The following MYO3B variants were observed in gnomAD, a reference collection of about 807,000 sequenced individuals.
MYO3B encodes the protein myosin-IIIb.
Under a neutral mutation model 174.6 loss-of-function variants are expected in MYO3B, and 156 were observed. The ratio of observed to expected loss-of-function variants is 0.89; its 90% CI spans 0.78 to 1.02. The LOEUF is 1.02. Ranked by LOEUF, MYO3B falls within the 50% of genes least tolerant of loss-of-function variation. The pLI is 0.00. For missense variants in MYO3B, 1,632 were observed against 1,639.4 expected (o/e 1.00, Z 0.08); for synonymous variants, 563 against 569.1 (o/e 0.99, Z 0.15).
chr2:170,317,303 G>GAC (rs34130116), intron 7 of MYO3B, among the ~76,000 whole-genome samples: 70,675 of 151,778 alleles, frequency 0.47, 17,969 homozygotes, highest in East Asian at 0.67. Context: ...GACTACATAA[G>GAC]TCTGTTTCCC....
chr2:170,481,619 G>A (rs541223355), intron 25 of MYO3B, among the ~76,000 whole-genome samples: 1 of 152,264 alleles, frequency 6.6e-6, no homozygotes, highest in Non-Finnish European at 1.5e-5. Context: ...AATATTCCAT[G>A]AAAATTAACT....
At chr2:170,255,001 C>A (rs891329370) in intron 7 of MYO3B, among the ~76,000 whole-genome samples, 1 of 152,174 alleles carries the variant, frequency 6.6e-6, no homozygotes, top group African/African-American at 2.4e-5. Flanking sequence ...ACCCCATAGT[C>A]CTCTGCTGGG....
chr2:170,343,807 G>A (rs2093995292), intron 8 of MYO3B: 1 of 152,238 alleles, frequency 6.6e-6, no homozygotes, highest in Non-Finnish European at 1.5e-5. Context: ...CCTTGAACAA[G>A]TCACTTAACT....
rs188437188 is a variant in MYO3B at position 170,617,634 on chromosome 2, T to C, written c.3734-33994T>C. ...TGTTCAGGTCCTATGTGGGGAACAA[T>C]GAGCCTTGGCTTTGGAGGCGCAACC... On this transcript the variant is annotated intron_variant, in intron 32 of 34. Coordinates refer to ENST00000408978, the MANE Select transcript of MYO3B (RefSeq NM_138995.5). Among the ~76,000 whole-genome samples the C allele has an allele frequency of 6.1e-3, 930 of 152,310 alleles. 13 individuals are homozygous for C. The highest frequency in any genetic ancestry group is 0.021 in the African/African-American group (880 of 41,566).
At chr2:170,603,252 G>A (rs1468702672) in intron 32 of MYO3B, among the ~76,000 whole-genome samples, 3 of 151,932 alleles carry the variant, frequency 2.0e-5, no homozygotes, top group East Asian at 3.9e-4. Context: ...CAACCCCATA[G>A]AAGTCTTAGT....
intron 7 of MYO3B, among the ~76,000 whole-genome samples, chr2:170,275,369 A>G (rs2093457310): frequency 6.6e-6 from 1 of 152,200 alleles, no homozygotes; most frequent in South Asian, 2.1e-4. Flanking sequence ...ATAGTCAGAC[A>G]TCAAATTTCA....
intron 32 of MYO3B, among the ~76,000 whole-genome samples, chr2:170,602,387 C>T (rs557564587): frequency 6.6e-6 from 1 of 152,284 alleles, no homozygotes; most frequent in Non-Finnish European, 1.5e-5. Flanking sequence ...TAACATTAAC[C>T]TTCCTTGTTT....
intron 7 of MYO3B, among the ~76,000 whole-genome samples, chr2:170,252,797 G>A (rs1273205433): frequency 2.0e-5 from 3 of 152,170 alleles, no homozygotes; most frequent in African/African-American, 7.2e-5. Flanking sequence ...TGTCTCAAGG[G>A]AATAAGGGAG....
intron 32 of MYO3B, among the ~76,000 whole-genome samples, chr2:170,599,185 C>T (rs980570456): frequency 1.3e-5 from 2 of 152,198 alleles, no homozygotes; most frequent in Admixed American, 1.3e-4. Flanking sequence ...TAGTCATTCT[C>T]TATCTCTGTA....
In MYO3B at chr2:170,442,735, G is replaced by A. The variant is rs1375882048; in HGVS notation, c.2651-1232G>A. Among the ~76,000 whole-genome samples, 4 of 152,044 alleles carry A rather than the reference G, an allele frequency of 2.6e-5. 1 individual carries two copies. The highest frequency in any genetic ancestry group is 5.9e-5 in the Non-Finnish European group (4 of 68,028). ...TTCTCATTGTTGAATTCCCACCTAT[G>A]AGTGAGAACATGCAGTATTTGGTTT... On this transcript the variant is annotated intron_variant, in intron 22 of 34. Transcript: ENST00000408978.
At chr2:170,495,696 C>A (rs1230358390) in intron 25 of MYO3B, among the ~76,000 whole-genome samples, 1 of 152,180 alleles carries the variant, frequency 6.6e-6, no homozygotes, top group East Asian at 1.9e-4. Context: ...TCATCAGATT[C>A]TTTAAATACT....
At chr2:170,401,960 G>A (rs1265374726) in intron 18 of MYO3B, among the ~76,000 whole-genome samples, 2 of 152,142 alleles carry the variant, frequency 1.3e-5, no homozygotes, top group African/African-American at 4.8e-5. Context: ...GTGCCACCAC[G>A]CCCGGCTAAT....
intron 32 of MYO3B, among the ~76,000 whole-genome samples, chr2:170,555,874 A>AAAT (rs60315800): frequency 0.64 from 96,015 of 149,628 alleles, 31,477 homozygotes; most frequent in Non-Finnish European, 0.71. Context: ...CCTATCTCTA[A>AAAT]AATAATAATA....
chr2:170,593,004 G>A (rs1693914155), intron 32 of MYO3B, among the ~76,000 whole-genome samples: 1 of 151,820 alleles, frequency 6.6e-6, no homozygotes, highest in African/African-American at 2.4e-5. Context: ...TAGATAGATG[G>A]ATACATAGAT....
chr2:170,323,398 A>G (rs1010221740), intron 7 of MYO3B, among the ~76,000 whole-genome samples: 133 of 152,358 alleles, frequency 8.7e-4, no homozygotes, highest in African/African-American at 2.8e-3. Context: ...CTGAAGAATA[A>G]TATGCTTGAG....
At chr2:170,239,053 G>T (rs938193730) in intron 7 of MYO3B, among the ~76,000 whole-genome samples, 2 of 152,082 alleles carry the variant, frequency 1.3e-5, no homozygotes, top group African/African-American at 2.4e-5. Context: ...CTCGTCTAAC[G>T]CCTTTGCTCC....
At chr2:170,402,313 GGAT>G (rs1380169500) in intron 18 of MYO3B, among the ~76,000 whole-genome samples, 1 of 152,102 alleles carries the variant, frequency 6.6e-6, no homozygotes, top group Non-Finnish European at 1.5e-5. Flanking sequence ...TGTAAAATGA[GGAT>G]AATAATATCC....
intron 7 of MYO3B, among the ~76,000 whole-genome samples, chr2:170,262,881 C>G (rs1356090624): frequency 5.3e-5 from 8 of 152,306 alleles, no homozygotes; most frequent in Middle Eastern, 3.4e-3. Flanking sequence ...ATTTTTGTAT[C>G]TGTCGTAGCA....
intron 9 of MYO3B, 104 bp from the exon 10 acceptor site, chr2:170,381,912 T>C (rs2094338368): frequency 1.1e-6 from 1 of 936,884 alleles, no homozygotes; most frequent in Admixed American, 1.9e-5. Context: ...CTGAAGTCTC[T>C]GAACATATCA....
Sources: gnomAD v4.1 joint callset for allele counts (sites outside exome capture counted in the v4.1 genomes callset) on GRCh38, gnomAD v4.1.1 for gene constraint, MANE v1.5 for transcripts, NCBI Gene and HGNC (gene_info 2026-07-23, HGNC 2026-07-21) for gene names.